RIMS2: variants seen among roughly 807,000 people sequenced by gnomAD.
RIMS2 encodes the protein regulating synaptic membrane exocytosis protein 2.
Under a neutral mutation model 174.4 loss-of-function variants are expected in RIMS2, and 59 were observed. That is an observed-to-expected ratio of 0.34 (90% CI 0.27 to 0.42). The LOEUF (loss-of-function observed/expected upper bound fraction) is 0.42. Among genes scored for constraint, RIMS2 ranks in the 10% least tolerant of loss-of-function variants. The pLI is 1.00. For synonymous variants in RIMS2, 606 were observed against 572.5 expected (o/e 1.06, Z -0.84); for missense variants, 1,620 against 1,666.3 (o/e 0.97, Z 0.48).
intron 1 of RIMS2, among the ~76,000 whole-genome samples, chr8:103,674,794 T>G (rs1327816217): frequency 6.6e-6 from 1 of 152,158 alleles, no homozygotes; most frequent in African/African-American, 2.4e-5. Context: ...ATTTTATGAT[T>G]TTTAGAATTA....
At chr8:103,778,049 A>G (rs1268502948) in intron 3 of RIMS2, among the ~76,000 whole-genome samples, 1 of 150,764 alleles carries the variant, frequency 6.6e-6, no homozygotes, top group Non-Finnish European at 1.5e-5. Context: ...TGACATTTTT[A>G]AAAAGTTTGT....
intron 19 of RIMS2, among the ~76,000 whole-genome samples, chr8:104,171,613 T>C (rs1327431116): frequency 6.6e-6 from 1 of 152,150 alleles, no homozygotes; most frequent in African/African-American, 2.4e-5. Flanking sequence ...AGCTTAATCA[T>C]CAACCTTCTG....
chr8:103,710,204 TGAG>T, intron 2 of RIMS2, among the ~76,000 whole-genome samples: 2 of 152,278 alleles, frequency 1.3e-5, no homozygotes, highest in Middle Eastern at 6.8e-3. Context: ...AATAGAATAA[TGAG>T]AACACAAATA....
At chr8:103,942,521 A>C (rs2082767071) in intron 13 of RIMS2, among the ~76,000 whole-genome samples, 1 of 152,054 alleles carries the variant, frequency 6.6e-6, no homozygotes, top group Non-Finnish European at 1.5e-5. Context: ...AATTTGATAG[A>C]CTCTAGTAGT....
intron 3 of RIMS2, among the ~76,000 whole-genome samples, chr8:103,769,345 A>T (rs2098220909): frequency 6.6e-6 from 1 of 152,118 alleles, no homozygotes; most frequent in Non-Finnish European, 1.5e-5. Context: ...TTTTGTTTTG[A>T]GACAGAAGTC....
intron 19 of RIMS2, among the ~76,000 whole-genome samples, chr8:104,209,780 T>C (rs2511553): frequency 0.76 from 115,117 of 152,160 alleles, 44,779 homozygotes; most frequent in African/African-American, 0.94. Context: ...GCATGTATGT[T>C]TGAAGGACAC....
chr8:103,760,888 A>G (rs2098104876), intron 2 of RIMS2, among the ~76,000 whole-genome samples: 1 of 152,214 alleles, frequency 6.6e-6, no homozygotes, highest in Admixed American at 6.5e-5. Context: ...TAAATAAATA[A>G]TGAATTGGTG....
At chr8:103,961,078 A>C (rs541305456) in exon 15 of RIMS2, 1 of 1,486,822 alleles carries the variant, frequency 6.7e-7, no homozygotes, top group Non-Finnish European at 9.4e-7. Flanking sequence ...CAAAGAGAAT[A>C]AGTGATAGTG....
At chr8:103,927,834 C>T in intron 10 of RIMS2, 6 of 1,602,874 alleles carry the variant, frequency 3.7e-6, no homozygotes, top group Non-Finnish European at 3.4e-6. Flanking sequence ...TTTAATTTTG[C>T]TTACCAGAGC....
At chr8:103,726,628 C>T (rs1187451459) in intron 2 of RIMS2, among the ~76,000 whole-genome samples, 1 of 150,412 alleles carries the variant, frequency 6.6e-6, no homozygotes, top group African/African-American at 2.4e-5. Flanking sequence ...GATATTAAGT[C>T]TTCATATTCA....
intron 3 of RIMS2, among the ~76,000 whole-genome samples, chr8:103,789,948 G>T (rs1442785036): frequency 6.6e-6 from 1 of 151,932 alleles, no homozygotes. Flanking sequence ...TCTTAGTAGA[G>T]ATGGCATCTC....
intron 1 of RIMS2, among the ~76,000 whole-genome samples, chr8:103,552,630 A>G (rs1411517070): frequency 6.6e-6 from 1 of 152,266 alleles, no homozygotes; most frequent in East Asian, 1.9e-4. Flanking sequence ...GCTTCTGCAC[A>G]GCAAAAGACA....
intron 1 of RIMS2, among the ~76,000 whole-genome samples, chr8:103,504,558 A>G (rs1822336738): frequency 6.6e-6 from 1 of 152,122 alleles, no homozygotes; most frequent in Admixed American, 6.5e-5. Flanking sequence ...AGCCTTTCAG[A>G]TAAGCTTTTT....
intron 2 of RIMS2, among the ~76,000 whole-genome samples, chr8:103,706,439 T>TA (rs961070195): frequency 6.7e-4 from 102 of 151,896 alleles, no homozygotes; most frequent in Admixed American, 1.3e-3. Context: ...TTCTTTTTTT[T>TA]AAAAAAAAAT....
intron 3 of RIMS2, among the ~76,000 whole-genome samples, chr8:103,772,886 C>T (rs887724272): frequency 2.0e-4 from 30 of 152,210 alleles, no homozygotes; most frequent in African/African-American, 7.2e-4. Flanking sequence ...GCTGGAATAA[C>T]TGAATATCCA....
At chr8:103,912,099 G>T (rs2075783407) in exon 6 of RIMS2, 4 of 1,604,908 alleles carry the variant, frequency 2.5e-6, no homozygotes. Flanking sequence ...CGTTTAATTG[G>T]TCGCATTTTA....
At chr8:104,060,780 C>T (rs992152718) in intron 19 of RIMS2, among the ~76,000 whole-genome samples, 6 of 152,206 alleles carry the variant, frequency 3.9e-5, no homozygotes, top group East Asian at 1.9e-4. Flanking sequence ...TCTTTGTTCT[C>T]GCTGGTTTCA....
At chr8:103,786,846 G>A (rs111913223) in intron 3 of RIMS2, among the ~76,000 whole-genome samples, 17,168 of 151,918 alleles carry the variant, frequency 0.11, 1,291 homozygotes, top group African/African-American at 0.22. Context: ...CTGTTTCGTT[G>A]ATCTGTCTAA....
chr8:103,980,736 C>T (rs1196423829), intron 16 of RIMS2, among the ~76,000 whole-genome samples: 1 of 152,128 alleles, frequency 6.6e-6, no homozygotes, highest in African/African-American at 2.4e-5. Flanking sequence ...GCATTTACCA[C>T]AAACTGACAG....
Sources: allele counts gnomAD v4.1 joint callset (sites outside exome capture counted in the v4.1 genomes callset), GRCh38; gene constraint gnomAD v4.1.1; transcripts MANE v1.5; gene names NCBI Gene and HGNC (gene_info 2026-07-23, HGNC 2026-07-21).